Variants in GK5 observed in about 807,000 individuals in gnomAD.
The protein encoded by GK5 is glycerol kinase 5.
Under a neutral mutation model 77.3 loss-of-function variants are expected in GK5, and 39 were observed. That is an observed-to-expected ratio of 0.50 (90% confidence interval 0.39 to 0.66). The LOEUF (loss-of-function observed/expected upper bound fraction) is 0.66. Ranked by LOEUF, GK5 falls within the 30% of genes least tolerant of loss-of-function variation. The pLI is 0.00. For missense variants in GK5, 487 were observed against 633.8 expected, an observed-to-expected ratio of 0.77 and a Z score of 2.49; for synonymous variants, 211 against 208.0, an observed-to-expected ratio of 1.01 and a Z score of -0.13.
chr3:142,206,201 C>T (rs1577141796), intron 3 of GK5, among the ~76,000 whole-genome samples: 1 of 152,116 alleles, frequency 6.6e-6, no homozygotes, highest in East Asian at 1.9e-4. Context: ...CTTTGGTTAT[C>T]GTGATTACTG....
rs1292320303 is a variant in GK5 at position 142,164,187 on chromosome 3, C to T, written c.*1435G>A. On this transcript the variant is annotated 3_prime_UTR_variant, in exon 16 of 16. Transcript: ENST00000392993. ...AATGCAACTTAATTTCTAGTTCTAT[C>T]ATATCTGTCTCCAAAATGGACATAT... 6.6e-6 allele frequency: 1 copy of T among 152,180 alleles called. No individual in the cohort carries two copies. The allele number at this position is 152,180 out of a possible 1,614,324, so 9.4% of individuals were successfully genotyped here.
chr3:142,184,260 C>CAAAAAAAAAAAAAAAAAAAAAA (rs1161704184), intron 9 of GK5, among the ~76,000 whole-genome samples: 7 of 10,672 alleles, frequency 6.6e-4, no homozygotes, highest in Admixed American at 1.2e-3. Flanking sequence ...GACTCTGTCT[C>CAAAAAAAAAAAAAAAAAAAAAA]AAAAAAAAAA....
chr3:142,187,726 C>A lies in GK5; in HGVS notation c.597G>T (p.Trp199Cys), dbSNP rs148641959. 55 of 1,610,728 alleles carry A rather than the reference C, an allele frequency of 3.4e-5. 1 individual carries two copies. Among genetic ancestry groups the A allele is most frequent in the Non-Finnish European group, 4.3e-5 (51 of 1,178,508 alleles). The change falls in exon 6 of 16, where the codon TGG becomes TGT. Residue 199 changes from tryptophan to cysteine, a missense_variant. Trp to Cys is a radical substitution (Grantham distance 215, BLOSUM62 -2). Transcript: ENST00000392993. ...TACCTTTTGTGAGCTTATATAACAA[C>A]CAGGTATCAATAGTCCCAAAGCAGC... ...ENCCFGTIDT[W>C]LLYKLTKGSV... is the part of the protein sequence containing the mutation.
intron 3 of GK5, among the ~76,000 whole-genome samples, chr3:142,205,804 G>A (rs2064097351): frequency 6.6e-6 from 1 of 152,078 alleles, no homozygotes. Flanking sequence ...GTACAATTCA[G>A]TGGCAGTAAG....
In GK5 at chr3:142,159,360, G is replaced by T. The variant is rs2063407131; in HGVS notation, c.*6262C>A. 6.6e-6 allele frequency: 1 copy of T among 152,148 alleles called. No homozygotes were observed. The highest frequency in any genetic ancestry group is 1.5e-5 in the Non-Finnish European group (1 of 68,026). The allele number at this position is 152,148 out of a possible 1,614,324, so 9.4% of individuals were successfully genotyped here. A position where few individuals can be genotyped will look rare whatever the true frequency, so the allele number is the denominator to read the frequency against. On this transcript the variant is annotated 3_prime_UTR_variant, in exon 16 of 16. Coordinates refer to ENST00000392993, the MANE Select transcript of GK5 (RefSeq NM_001039547.3). ...TTAAATGGGAGTCTCTATATCATTT[G>T]TTTCCTAAACATCACGGGTATCTAT... is the stretch of plus-strand genomic sequence containing the variant.
rs2063433771 is a variant in GK5 at position 142,162,584 on chromosome 3, T to C, written c.*3038A>G. Reference sequence around the variant, plus strand: ...AACATTCTCTTCCTTTATCAGACAGTTGCAGACCTTCTAAAAATATCTGAT... The same window carrying C: ...AACATTCTCTTCCTTTATCAGACAGCTGCAGACCTTCTAAAAATATCTGAT... On this transcript the variant is annotated 3_prime_UTR_variant, in exon 16 of 16. Transcript: ENST00000392993. 2.6e-5 allele frequency: 4 copies of C among 152,232 alleles called. No homozygotes were observed. The highest frequency in any genetic ancestry group is 2.6e-4 in the Admixed American group (4 of 15,288). 9.4% of individuals were successfully genotyped at this position (152,232 alleles called of 1,614,324 possible). A position where few individuals can be genotyped will look rare whatever the true frequency, so the allele number is the denominator to read the frequency against.
At position 142,185,920 on chromosome 3, in the gene GK5, C is replaced by T. The variant is rs780885226; in HGVS notation, c.816+9G>A. 6.3e-7 allele frequency: 1 copy of T among 1,598,866 alleles called. No individual in the cohort carries two copies. Among genetic ancestry groups the T allele is most frequent in the South Asian group, 1.1e-5 (1 of 88,442 alleles). ...TATACAAAGGGAATCCCTCAAGTTTCCTACTTACCAAGGCAACTATTGGTA... is the reference window on the plus strand; with the variant it reads ...TATACAAAGGGAATCCCTCAAGTTTTCTACTTACCAAGGCAACTATTGGTA... On this transcript the variant is annotated intron_variant, in intron 9 of 15. Coordinates refer to ENST00000392993, the MANE Select transcript of GK5 (RefSeq NM_001039547.3).
intron 1 of GK5, among the ~76,000 whole-genome samples, chr3:142,217,450 T>C (rs1008886087): frequency 3.9e-5 from 6 of 151,904 alleles, no homozygotes; most frequent in Non-Finnish European, 5.9e-5. Context: ...AACTTGAAGA[T>C]AGACCAATAG....
At chr3:142,219,913 G>C (rs1445343337) in intron 1 of GK5, among the ~76,000 whole-genome samples, 4 of 152,160 alleles carry the variant, frequency 2.6e-5, no homozygotes, top group Non-Finnish European at 5.9e-5. Context: ...AGGATACAGT[G>C]AACTGTGGCC....
intron 12 of GK5, among the ~76,000 whole-genome samples, chr3:142,173,986 C>CTT (rs2063575773): frequency 6.6e-6 from 1 of 152,188 alleles, no homozygotes; most frequent in South Asian, 2.1e-4. Context: ...AGGGAAAACT[C>CTT]TGGACCCCAG....
chr3:142,202,618 T>C (rs762847825), intron 4 of GK5, among the ~76,000 whole-genome samples: 21 of 152,238 alleles, frequency 1.4e-4, no homozygotes, highest in Non-Finnish European at 3.1e-4. Context: ...AAAAGTGCTT[T>C]AAATGCTCAA....
chr3:142,185,768 T>G, intron 9 of GK5, 161 bp downstream of exon 9: 1 of 1,560,386 alleles, frequency 6.4e-7, no homozygotes, highest in South Asian at 1.2e-5. Context: ...ATAGCAGATA[T>G]TCTGGTCATA....
intron 5 of GK5, among the ~76,000 whole-genome samples, chr3:142,198,471 G>T (rs369737156): frequency 6.6e-6 from 1 of 151,910 alleles, no homozygotes; most frequent in Non-Finnish European, 1.5e-5. Flanking sequence ...AAAATTAGCC[G>T]GGCGTGGTGG....
At chr3:142,176,653 T>C (rs956520296) in intron 12 of GK5, among the ~76,000 whole-genome samples, 2 of 150,144 alleles carry the variant, frequency 1.3e-5, no homozygotes, top group South Asian at 4.2e-4. Flanking sequence ...TGAAAGGAGA[T>C]TTTGATTTTT....
At chr3:142,180,904 C>G (rs2063687539) in intron 11 of GK5, among the ~76,000 whole-genome samples, 1 of 152,132 alleles carries the variant, frequency 6.6e-6, no homozygotes, top group African/African-American at 2.4e-5. Context: ...TGACCCTAAA[C>G]AACAAGCTTA....
intron 3 of GK5, among the ~76,000 whole-genome samples, chr3:142,209,181 T>G (rs1480093096): frequency 6.6e-6 from 1 of 150,502 alleles, no homozygotes; most frequent in Non-Finnish European, 1.5e-5. Flanking sequence ...AGAGGTGCCA[T>G]GAGAGTATTT....
At chr3:142,221,242 A>G (rs1452487831) in intron 1 of GK5, among the ~76,000 whole-genome samples, 1 of 152,260 alleles carries the variant, frequency 6.6e-6, no homozygotes, top group Non-Finnish European at 1.5e-5. Context: ...AACACAATCT[A>G]TTCTCCTTCT....
intron 15 of GK5, among the ~76,000 whole-genome samples, chr3:142,166,681 G>A (rs1286543932): frequency 2.0e-5 from 3 of 152,068 alleles, no homozygotes; most frequent in African/African-American, 2.4e-5. Context: ...CCATAGGCAC[G>A]TGCCACCACG....
intron 1 of GK5, among the ~76,000 whole-genome samples, chr3:142,216,523 T>C (rs1473326232): frequency 6.6e-6 from 1 of 152,084 alleles, no homozygotes; most frequent in East Asian, 1.9e-4. Context: ...GAGGGTGTGG[T>C]CAACCCCTAT....
Sources: allele counts gnomAD v4.1 joint callset (sites outside exome capture counted in the v4.1 genomes callset), GRCh38; gene constraint gnomAD v4.1.1; transcripts MANE v1.5; gene names NCBI Gene and HGNC (gene_info 2026-07-23, HGNC 2026-07-21).